The following ACACB variants were observed in gnomAD, a reference collection of about 807,000 sequenced individuals.
The protein encoded by ACACB is acetyl-CoA carboxylase 2.
ACACB carries 209 observed loss-of-function variants against 278.8 expected under a neutral mutation model. The ratio of observed to expected loss-of-function variants is 0.75; its 90% CI spans 0.67 to 0.84. ACACB has a LOEUF of 0.84. ACACB is among the 40% of genes least tolerant of loss of function. The probability of loss-of-function intolerance (pLI) is 0.00; values close to 1 mark genes in which losing one functional copy is unlikely to be tolerated. For synonymous variants in ACACB, 1,174 were observed against 1,285.6 expected (o/e 0.91, Z 1.86); for missense variants, 2,850 against 3,269.0 (o/e 0.87, Z 3.13).
intron 46 of ACACB, 77 bp from the exon 47 acceptor site, chr12:109,258,896 G>A (rs940655271): frequency 2.7e-5 from 42 of 1,561,052 alleles, no homozygotes; most frequent in South Asian, 1.3e-4. Flanking sequence ...CATCCAGAGC[G>A]AGGTTCTGGC....
At chr12:109,130,974 G>T (rs951109386) in intron 1 of ACACB, among the ~76,000 whole-genome samples, 4 of 152,124 alleles carry the variant, frequency 2.6e-5, no homozygotes, top group African/African-American at 9.7e-5. Flanking sequence ...CTGTTTTCCT[G>T]TCTACCCAGG....
chr12:109,239,453 C>T (rs1282694712), intron 34 of ACACB, among the ~76,000 whole-genome samples: 1 of 152,128 alleles, frequency 6.6e-6, no homozygotes, highest in Non-Finnish European at 1.5e-5. Flanking sequence ...AAAAGTGAGG[C>T]TGAGTAAACA....
intron 7 of ACACB, 96 bp from the exon 8 acceptor site, chr12:109,175,835 C>T (rs2044265045): frequency 9.7e-7 from 1 of 1,028,400 alleles, no homozygotes; most frequent in East Asian, 2.4e-5. Context: ...AAGCCCAGGT[C>T]TAGCACTATG....
Position 109,222,407 on chromosome 12 carries a change from C to T in ACACB, c.3565-100C>T, listed in dbSNP as rs569604059. ...GGGCCTGTTTGGAGAGTGGAGCAGC[C>T]GCCTGGCTTTTGCGGCAGGTGCTCC... On this transcript the variant is annotated intron_variant, in intron 24 of 52. Coordinates refer to ENST00000338432, the MANE Select transcript of ACACB (RefSeq NM_001093.4). 4.2e-4 allele frequency: 442 copies of T among 1,057,462 alleles called. 1 individual carries two copies. The highest frequency in any genetic ancestry group is 2.8e-3 in the African/African-American group (182 of 64,312). 65.5% of individuals were successfully genotyped at this position (1,057,462 alleles called of 1,614,324 possible).
At chr12:109,191,416 G>T in intron 13 of ACACB, 197 bp from the exon 14 acceptor site, 1 of 509,656 alleles carries the variant, frequency 2.0e-6, no homozygotes, top group Admixed American at 3.4e-5. Flanking sequence ...GTTTCGCCAT[G>T]TTGGCCAGGC....
intron 38 of ACACB, 23 bp downstream of exon 38, chr12:109,245,771 C>T (rs1387840844): frequency 1.2e-6 from 2 of 1,610,712 alleles, no homozygotes; most frequent in Non-Finnish European, 1.7e-6. Context: ...CGGAGCCTAA[C>T]CCCTGGCTGG....
chr12:109,185,809 A>T, intron 12 of ACACB, 69 bp downstream of exon 12: 2 of 1,481,112 alleles, frequency 1.4e-6, no homozygotes, highest in Non-Finnish European at 1.8e-6. Context: ...CCTGGATGTT[A>T]GCCTGGGAAG....
Position 109,216,803 on chromosome 12 carries a change from C to A in ACACB, c.3447C>A (p.Tyr1149Ter), listed in dbSNP as rs771242906. ...RVEHHFQQAH[Y>*]DKCVINLREQ... ...GTGTTTTGTCTCCCCCAGCCCACTA[C>A]GACAAGTGTGTGATAAACCTCAGGG... Residue 1149 changes from tyrosine to a stop codon, truncating the protein, a stop_gained, in exon 24 of 53, where the codon TAC (tyrosine) becomes TAA (stop). Transcript: ENST00000338432. LOFTEE classifies it high-confidence loss of function. 6.2e-7 allele frequency: 1 copy of A among 1,614,042 alleles called. No homozygotes were observed. The highest frequency in any genetic ancestry group is 8.5e-7 in the Non-Finnish European group (1 of 1,180,018).
chr12:109,155,970 GC>G (rs919982766), intron 2 of ACACB, among the ~76,000 whole-genome samples: 23 of 152,304 alleles, frequency 1.5e-4, no homozygotes, highest in Admixed American at 1.5e-3. Flanking sequence ...AGTACTTACT[GC>G]CTGACCCTTG....
intron 37 of ACACB, 82 bp downstream of exon 37, chr12:109,242,674 C>T: frequency 6.6e-7 from 1 of 1,509,614 alleles, no homozygotes; most frequent in Non-Finnish European, 9.1e-7. Flanking sequence ...CTTAATTCTC[C>T]TTCTAAAGAC....
chr12:109,213,575 G>T (rs890755174), intron 22 of ACACB, among the ~76,000 whole-genome samples: 11 of 152,008 alleles, frequency 7.2e-5, no homozygotes, highest in African/African-American at 2.7e-4. Context: ...CCCGCTGCAG[G>T]ACTATTCTGA....
At chr12:109,237,472 G>A in intron 34 of ACACB, 92 bp downstream of exon 34, 1 of 1,339,378 alleles carries the variant, frequency 7.5e-7, no homozygotes, top group East Asian at 2.5e-5. Context: ...GCTGCATGCT[G>A]GGGATGGAGA....
intron 2 of ACACB, among the ~76,000 whole-genome samples, chr12:109,160,089 C>CAA (rs55905665): frequency 3.1e-4 from 27 of 87,938 alleles, no homozygotes; most frequent in African/African-American, 5.7e-4. Context: ...GACTCTGTCT[C>CAA]AAAAAAAAAA....
At chr12:109,126,840 G>C (rs565022353) in intron 1 of ACACB, among the ~76,000 whole-genome samples, 1 of 152,332 alleles carries the variant, frequency 6.6e-6, no homozygotes, top group East Asian at 1.9e-4. Flanking sequence ...TCAATCATTT[G>C]AGTAATTTCC....
intron 2 of ACACB, among the ~76,000 whole-genome samples, chr12:109,145,131 A>G (rs2043211174): frequency 6.6e-6 from 1 of 151,654 alleles, no homozygotes; most frequent in Admixed American, 6.6e-5. Flanking sequence ...ATGTTGGCTC[A>G]GGTACACTGG....
At chr12:109,135,171 A>T (rs78092841) in intron 1 of ACACB, among the ~76,000 whole-genome samples, 1,812 of 152,272 alleles carry the variant, frequency 0.012, 41 homozygotes, top group African/African-American at 0.041. Context: ...CTCTTCACCA[A>T]CACTTGTTAT....
chr12:109,237,330 C>T lies in ACACB; in HGVS notation c.4612C>T (p.His1538Tyr). ...GAAGGAAGGTGTGGAAGTGACGGACCATAGGTTCTTCATCCGCGCCATCAT... is the reference window on the plus strand; with the variant it reads ...GAAGGAAGGTGTGGAAGTGACGGACTATAGGTTCTTCATCCGCGCCATCAT... Reference protein sequence around the residue: ...KVKEGVEVTDHRFFIRAIIRH... With the variant: ...KVKEGVEVTDYRFFIRAIIRH... Residue 1538 changes from histidine to tyrosine, a missense_variant, in exon 34 of 53, where the codon CAT (histidine) becomes TAT (tyrosine). Around this residue, in one of 3 missense-constraint regions of ACACB, gnomAD observed 2,265 missense variants for 2,561.3 expected, o/e 0.88. Coordinates refer to ENST00000338432, the MANE Select transcript of ACACB (RefSeq NM_001093.4). 6.2e-7 allele frequency: 1 copy of T among 1,614,184 alleles called. No homozygotes were observed. Among genetic ancestry groups the T allele is most frequent in the Middle Eastern group, 1.6e-4 (1 of 6,062 alleles).
intron 19 of ACACB, among the ~76,000 whole-genome samples, chr12:109,202,079 A>T (rs1482014334): frequency 5.9e-5 from 9 of 151,690 alleles, no homozygotes; most frequent in Admixed American, 5.9e-4. Context: ...TGAAGGACCT[A>T]CCCCAGACTT....
intron 35 of ACACB, among the ~76,000 whole-genome samples, chr12:109,240,570 A>T (rs1455276894): frequency 6.7e-6 from 1 of 148,310 alleles, no homozygotes; most frequent in Non-Finnish European, 1.5e-5. Context: ...TATTAATATT[A>T]TTAAAATATA....
Sources: gnomAD v4.1 joint callset for allele counts (sites outside exome capture counted in the v4.1 genomes callset) on GRCh38, gnomAD v4.1.1 for gene constraint, gnomAD v4.1.1 regional missense constraint, MANE v1.5 for transcripts, NCBI Gene and HGNC (gene_info 2026-07-23, HGNC 2026-07-21) for gene names.